The following DRC11 variants were observed in gnomAD, a reference collection of about 807,000 sequenced individuals.
DRC11 encodes the protein dynein regulatory complex subunit 11.
chr2:236,488,749 C>T, the DRC11 span, among the ~76,000 whole-genome samples: 1 of 152,164 alleles, frequency 6.6e-6, no homozygotes, highest in Admixed American at 6.5e-5. Flanking sequence ...AACATTCAAA[C>T]ATGATGAGTA....
the DRC11 span, among the ~76,000 whole-genome samples, chr2:236,483,203 C>T: frequency 3.3e-5 from 5 of 152,168 alleles, no homozygotes; most frequent in Admixed American, 6.5e-5. The surrounding 1 kb of genome is among the most constrained non-coding windows in gnomAD (Gnocchi z 4.8). Flanking sequence ...CATGTTGCAG[C>T]ACGTGTCAGA....
chr2:236,404,804 G>A, the DRC11 span, among the ~76,000 whole-genome samples: 1 of 152,192 alleles, frequency 6.6e-6, no homozygotes, highest in Non-Finnish European at 1.5e-5. Context: ...TAAGAAAATA[G>A]TATACACTAA....
chr2:236,355,749 C>CTCTG, the DRC11 span, among the ~76,000 whole-genome samples: 76 of 107,956 alleles, frequency 7.0e-4, no homozygotes, highest in African/African-American at 2.0e-3. Flanking sequence ...CTCTCTCTCT[C>CTCTG]TGTGTGTGTG....
chr2:236,487,005 C>T, the DRC11 span: 1 of 801,342 alleles, frequency 1.2e-6, no homozygotes, highest in Non-Finnish European at 2.1e-6. Flanking sequence ...GCCAACTAAT[C>T]CTAAGCTCTA....
the DRC11 span, chr2:236,377,240 A>G: frequency 9.4e-7 from 1 of 1,066,300 alleles, no homozygotes; most frequent in Non-Finnish European, 1.5e-6. The surrounding 1 kb of genome is among the most constrained non-coding windows in gnomAD (Gnocchi z 4.9). Flanking sequence ...AATCGGCGGT[A>G]TTTCTGTTAA....
the DRC11 span, among the ~76,000 whole-genome samples, chr2:236,426,182 A>G: frequency 6.6e-6 from 1 of 151,994 alleles, no homozygotes; most frequent in Non-Finnish European, 1.5e-5. This position sits in a 1 kb window ranked among gnomAD's most constrained non-coding sequence, Gnocchi z 4.1. Flanking sequence ...GTGTCACTGA[A>G]ATTTTGATAG....
chr2:236,404,337 GA>G, the DRC11 span, among the ~76,000 whole-genome samples: 1 of 151,928 alleles, frequency 6.6e-6, no homozygotes, highest in Non-Finnish European at 1.5e-5. Flanking sequence ...CAGCTAGACT[GA>G]AGGCCATAGA....
At chr2:236,459,083 C>T in the DRC11 span, among the ~76,000 whole-genome samples, 1 of 151,962 alleles carries the variant, frequency 6.6e-6, no homozygotes, top group African/African-American at 2.4e-5. Context: ...TGAGAAGTCA[C>T]TATTACAATA....
the DRC11 span, among the ~76,000 whole-genome samples, chr2:236,495,594 G>T: frequency 0.046 from 7,019 of 152,148 alleles, 329 homozygotes; most frequent in East Asian, 0.13. The surrounding 1 kb of genome is among the most constrained non-coding windows in gnomAD (Gnocchi z 5.6). Flanking sequence ...CACATGGCAG[G>T]TTACAGACAT....
chr2:236,464,032 A>G, the DRC11 span, among the ~76,000 whole-genome samples: 1 of 152,146 alleles, frequency 6.6e-6, no homozygotes, highest in Non-Finnish European at 1.5e-5. Flanking sequence ...GGGCCTCTCC[A>G]CTGGGCAGCT....
At chr2:236,449,080 G>A in the DRC11 span, among the ~76,000 whole-genome samples, 1 of 151,954 alleles carries the variant, frequency 6.6e-6, no homozygotes, top group Non-Finnish European at 1.5e-5. The surrounding 1 kb of genome is among the most constrained non-coding windows in gnomAD (Gnocchi z 5.1). Flanking sequence ...AGCTGGTCTC[G>A]AACTCCTGAC....
At chr2:236,471,142 C>T in the DRC11 span, among the ~76,000 whole-genome samples, 23 of 152,106 alleles carry the variant, frequency 1.5e-4, no homozygotes, top group African/African-American at 4.8e-4. This position sits in a 1 kb window ranked among gnomAD's most constrained non-coding sequence, Gnocchi z 4.6. Context: ...ATGAGAAAAT[C>T]GAGGTACACA....
chr2:236,497,168 C>T, the DRC11 span: 3 of 1,605,132 alleles, frequency 1.9e-6, no homozygotes, highest in African/African-American at 2.7e-5. This position sits in a 1 kb window ranked among gnomAD's most constrained non-coding sequence, Gnocchi z 5.1. Flanking sequence ...CTTACGGGGG[C>T]CAGCTTGAGA....
the DRC11 span, among the ~76,000 whole-genome samples, chr2:236,421,298 T>C: frequency 6.6e-6 from 1 of 151,896 alleles, no homozygotes; most frequent in Non-Finnish European, 1.5e-5. Flanking sequence ...ATCAACTAAA[T>C]TGATAGACTG....
At chr2:236,357,244 T>A in the DRC11 span, among the ~76,000 whole-genome samples, 2 of 110,344 alleles carry the variant, frequency 1.8e-5, no homozygotes, top group African/African-American at 7.9e-5. Context: ...TATATTCATA[T>A]AGTATATATC....
the DRC11 span, among the ~76,000 whole-genome samples, chr2:236,384,584 C>T: frequency 9.2e-5 from 14 of 152,114 alleles, no homozygotes; most frequent in African/African-American, 1.7e-4. Context: ...GAGTAGGTTG[C>T]GAAAATTTTC....
chr2:236,410,762 C>T, the DRC11 span, among the ~76,000 whole-genome samples: 2 of 150,122 alleles, frequency 1.3e-5, no homozygotes, highest in African/African-American at 5.0e-5. Context: ...ACTATCTGAT[C>T]TTTGACAAAC....
chr2:236,351,733 C>T, the DRC11 span, among the ~76,000 whole-genome samples: 2 of 151,452 alleles, frequency 1.3e-5, no homozygotes, highest in African/African-American at 4.9e-5. This position sits in a 1 kb window ranked among gnomAD's most constrained non-coding sequence, Gnocchi z 7.3. Flanking sequence ...TGCGGGGCTG[C>T]TGTGGGGAGA....
the DRC11 span, among the ~76,000 whole-genome samples, chr2:236,384,627 G>A: frequency 6.6e-6 from 1 of 152,030 alleles, no homozygotes; most frequent in Non-Finnish European, 1.5e-5. Context: ...TCACTCTGAT[G>A]GTAGTGTCTT....
Sources: gnomAD v4.1 joint callset for allele counts (sites outside exome capture counted in the v4.1 genomes callset) on GRCh38, gnomAD v4.1.1 for gene constraint, Gnocchi (gnomAD v3.1) non-coding constraint, MANE v1.5 for transcripts, NCBI Gene and HGNC (gene_info 2026-07-23, HGNC 2026-07-21) for gene names.